Variants in ABCA4 observed in about 807,000 individuals in gnomAD.
The protein encoded by ABCA4 is ATP binding cassette subfamily A member 4.
ABCA4 carries 196 observed loss-of-function variants against 263.7 expected under a neutral mutation model. The ratio of observed to expected loss-of-function variants is 0.74; its 90% CI spans 0.66 to 0.84. The LOEUF (loss-of-function observed/expected upper bound fraction) is 0.84, where lower values mean the gene tolerates loss of function less well. ABCA4 is among the 40% of genes least tolerant of loss of function. ABCA4 has a pLI of 0.00. For synonymous variants in ABCA4, 1,133 were observed against 1,094.2 expected (o/e 1.04, Z -0.70); for missense variants, 2,792 against 2,855.1 (o/e 0.98, Z 0.50).
At chr1:94,117,807 C>T (rs534141460) in intron 1 of ABCA4, among the ~76,000 whole-genome samples, 1 of 152,270 alleles carries the variant, frequency 6.6e-6, no homozygotes, top group African/African-American at 2.4e-5. Context: ...GGAGCCGCCC[C>T]TGCCTGGTTC....
chr1:94,010,584 T>TTTTAAATA, intron 40 of ABCA4: 2 of 700,650 alleles, frequency 2.9e-6, no homozygotes, highest in Non-Finnish European at 5.1e-6. Flanking sequence ...TAGCACTGCA[T>TTTTAAATA]TTTAAATATT....
At chr1:94,089,305 G>T (rs1449115753) in intron 6 of ABCA4, among the ~76,000 whole-genome samples, 1 of 152,168 alleles carries the variant, frequency 6.6e-6, no homozygotes, top group Non-Finnish European at 1.5e-5. Flanking sequence ...GGAAAAACCT[G>T]AACTGCAAAC....
intron 5 of ABCA4, among the ~76,000 whole-genome samples, chr1:94,099,375 G>A (rs1483436072): frequency 9.2e-5 from 14 of 152,208 alleles, no homozygotes; most frequent in African/African-American, 3.4e-4. Context: ...AGTAAGGAAT[G>A]CAGTCCTGCT....
chr1:94,056,630 G>C lies in ABCA4; in HGVS notation c.2353C>G (p.Arg785Gly), dbSNP rs781254854. 34 of 1,613,452 alleles carry C rather than the reference G, an allele frequency of 2.1e-5. No individual in the cohort carries two copies. The Admixed American group carries it at 5.5e-4, about 26-fold the overall frequency. The change falls in exon 15 of 50, where the codon CGC becomes GGC. Residue 785 changes from arginine (R) to glycine (G), a missense_variant. Coordinates refer to ENST00000370225, the MANE Select transcript of ABCA4 (RefSeq NM_000350.3). The part of the protein sequence containing the change: ...PHILCFAWQD[R>G]MTAELKKAVS... Reference sequence around the variant, plus strand: ...GCCTTCTTCAGCTCAGCGGTCATGCGGTCCTGCCAGGCGAAGCACAGGATG... The same window carrying C: ...GCCTTCTTCAGCTCAGCGGTCATGCCGTCCTGCCAGGCGAAGCACAGGATG...
At chr1:94,043,566 T>C (rs946864125) in intron 20 of ABCA4, 91 bp from the exon 21 acceptor site, 1 of 1,547,212 alleles carries the variant, frequency 6.5e-7, no homozygotes, top group African/African-American at 1.4e-5. Context: ...CAAGTATTCT[T>C]GATTTGGCAA....
chr1:94,110,401 A>T (rs1170787508), intron 3 of ABCA4, among the ~76,000 whole-genome samples: 1 of 152,214 alleles, frequency 6.6e-6, no homozygotes, highest in Non-Finnish European at 1.5e-5. Context: ...TTAGTCTAAA[A>T]GCAGGCTTCT....
chr1:94,045,902 G>A, intron 19 of ABCA4: 1 of 456,276 alleles, frequency 2.2e-6, no homozygotes, highest in Non-Finnish European at 4.4e-6. Flanking sequence ...ACCATGGCGG[G>A]CCGTGTTCTC....
At chr1:94,101,576 C>T (rs1297519296) in intron 5 of ABCA4, among the ~76,000 whole-genome samples, 1 of 152,184 alleles carries the variant, frequency 6.6e-6, no homozygotes, top group Non-Finnish European at 1.5e-5. Flanking sequence ...GGGGTGGGGT[C>T]CCTCACTCCT....
intron 11 of ABCA4, among the ~76,000 whole-genome samples, chr1:94,074,185 G>C (rs1661478251): frequency 6.6e-6 from 1 of 152,190 alleles, no homozygotes; most frequent in South Asian, 2.1e-4. Context: ...CAATGGAACA[G>C]AACAGAGGCT....
intron 30 of ABCA4, among the ~76,000 whole-genome samples, chr1:94,029,241 C>A (rs1377303195): frequency 2.0e-5 from 3 of 152,110 alleles, no homozygotes; most frequent in Non-Finnish European, 4.4e-5. Flanking sequence ...GAAAATGAAG[C>A]TTTTGGTGAG....
intron 47 of ABCA4, among the ~76,000 whole-genome samples, chr1:94,000,279 C>T (rs1032864331): frequency 6.6e-6 from 1 of 152,224 alleles, no homozygotes; most frequent in South Asian, 2.1e-4. Flanking sequence ...CTTTGGCATG[C>T]AAACTCTTAA....
intron 11 of ABCA4, among the ~76,000 whole-genome samples, chr1:94,075,170 A>G (rs948121473): frequency 1.3e-5 from 2 of 152,114 alleles, no homozygotes; most frequent in African/African-American, 4.8e-5. Context: ...GGGGTGGGGT[A>G]GGGGCGAGGC....
intron 47 of ABCA4, 32 bp from the exon 48 acceptor site, chr1:93,998,142 C>G: frequency 6.2e-7 from 1 of 1,613,912 alleles, no homozygotes; most frequent in Non-Finnish European, 8.5e-7. Flanking sequence ...GGACAGGCCT[C>G]TGTTAGTGGT....
At chr1:94,013,074 A>C (rs1471259186) in intron 38 of ABCA4, among the ~76,000 whole-genome samples, 2 of 152,174 alleles carry the variant, frequency 1.3e-5, no homozygotes, top group Non-Finnish European at 2.9e-5. Context: ...AAATGTTCTG[A>C]GTTGCTTTAA....
chr1:94,021,145 A>G, intron 35 of ABCA4, 95 bp downstream of exon 35: 2 of 1,562,250 alleles, frequency 1.3e-6, no homozygotes, highest in Non-Finnish European at 1.8e-6. Flanking sequence ...TTACCATCCA[A>G]ATCAGCACTT....
chr1:94,058,451 T>A (rs1196818897), intron 14 of ABCA4, among the ~76,000 whole-genome samples: 1 of 152,218 alleles, frequency 6.6e-6, no homozygotes, highest in Admixed American at 6.5e-5. Context: ...GACCTCCACC[T>A]CCTGGGTTCA....
In ABCA4 at chr1:94,021,394, T is replaced by A; in HGVS notation, c.4864A>T (p.Lys1622Ter). Residue 1622 changes from lysine to a stop codon, truncating the protein, a stop_gained, in exon 35 of 50, where the codon AAA becomes TAA. Coordinates refer to ENST00000370225, the MANE Select transcript of ABCA4 (RefSeq NM_000350.3). LOFTEE classifies it high-confidence loss of function. Reference protein sequence around the residue: ...EDNIKVWFNNKGWHALVSFLN... With the variant: ...EDNIKVWFNN Reference sequence around the variant, plus strand: ...AAGCTGACCAGGGCATGCCAGCCTTTGTTATTAAACCACACCTAGAGGGTG... The same window carrying A: ...AAGCTGACCAGGGCATGCCAGCCTTAGTTATTAAACCACACCTAGAGGGTG... 2 of 1,614,240 alleles carry A rather than the reference T, an allele frequency of 1.2e-6. No homozygotes were observed. The highest frequency in any genetic ancestry group is 1.7e-6 in the Non-Finnish European group (2 of 1,180,042).
chr1:93,995,765 T>C (rs1179580906), intron 49 of ABCA4, among the ~76,000 whole-genome samples: 2 of 152,228 alleles, frequency 1.3e-5, no homozygotes, highest in African/African-American at 4.8e-5. Context: ...TCTATTACCT[T>C]CTCTGCTCCT....
chr1:94,056,293 A>G (rs1570387025), intron 15 of ABCA4, among the ~76,000 whole-genome samples: 1 of 152,258 alleles, frequency 6.6e-6, no homozygotes. Context: ...GTAGGAAAGG[A>G]AAACTAGTGA....
Sources: gnomAD v4.1 joint callset for allele counts (sites outside exome capture counted in the v4.1 genomes callset) on GRCh38, gnomAD v4.1.1 for gene constraint, MANE v1.5 for transcripts, NCBI Gene and HGNC (gene_info 2026-07-23, HGNC 2026-07-21) for gene names.